Variants in BBS9 observed in about 807,000 individuals in gnomAD.
The protein encoded by BBS9 is protein PTHB1.
BBS9 carries 89 observed loss-of-function variants against 117.7 expected under a neutral mutation model. The observed-to-expected ratio is 0.76, with a 90% confidence interval of 0.64 to 0.90. The LOEUF is 0.90. BBS9 is among the 40% of genes least tolerant of loss of function. The pLI is 0.00. For synonymous variants in BBS9, 379 were observed against 370.9 expected, an observed-to-expected ratio of 1.02 and a Z score of -0.25; for missense variants, 982 against 1,042.2, an observed-to-expected ratio of 0.94 and a Z score of 0.80.
At chr7:33,580,646 G>A (rs1161122456) in intron 21 of BBS9, among the ~76,000 whole-genome samples, 1 of 152,180 alleles carries the variant, frequency 6.6e-6, no homozygotes, top group Non-Finnish European at 1.5e-5. Flanking sequence ...CTGGAAGGTT[G>A]TTAAAGAATA....
chr7:33,622,259 C>T (rs567907964), intron 21 of BBS9, among the ~76,000 whole-genome samples: 1 of 152,028 alleles, frequency 6.6e-6, no homozygotes, highest in African/African-American at 2.4e-5. Flanking sequence ...CATGACCTCA[C>T]TTATTTGTGG....
chr7:33,261,302 C>T (rs569344294), intron 6 of BBS9, among the ~76,000 whole-genome samples: 2 of 152,290 alleles, frequency 1.3e-5, no homozygotes, highest in East Asian at 3.9e-4. Context: ...TGACTAAGCT[C>T]AGTGCTCCTC....
chr7:33,132,688 C>T (rs1480821016), intron 1 of BBS9, among the ~76,000 whole-genome samples: 1 of 152,080 alleles, frequency 6.6e-6, no homozygotes, highest in African/African-American at 2.4e-5. Context: ...TACTATTGTT[C>T]CTTACCATCT....
intron 21 of BBS9, among the ~76,000 whole-genome samples, chr7:33,559,397 T>G (rs1388749786): frequency 6.6e-6 from 1 of 151,766 alleles, no homozygotes; most frequent in East Asian, 1.9e-4. Context: ...CCAACGATGA[T>G]TTTTTTTCTT....
intron 19 of BBS9, among the ~76,000 whole-genome samples, chr7:33,504,539 C>T: frequency 6.6e-6 from 1 of 152,134 alleles, no homozygotes; most frequent in East Asian, 1.9e-4. Flanking sequence ...GAACTCCAGT[C>T]CCCCAGCTGG....
chr7:33,441,890 CTTTTTTT>C (rs755891061), intron 19 of BBS9, among the ~76,000 whole-genome samples: 1 of 141,976 alleles, frequency 7.0e-6, no homozygotes, highest in African/African-American at 2.6e-5. Context: ...CTGGCATATA[CTTTTTTT>C]TTTTTTTTTC....
intron 19 of BBS9, among the ~76,000 whole-genome samples, chr7:33,420,240 T>C (rs994174684): frequency 6.6e-6 from 1 of 152,110 alleles, no homozygotes; most frequent in African/African-American, 2.4e-5. Flanking sequence ...TTCTGTAAAA[T>C]GGGGATGATA....
In BBS9 at chr7:33,163,479, A is replaced by G. The variant is rs545850252; in HGVS notation, c.328+7777A>G. Among the ~76,000 whole-genome samples the G allele has an allele frequency of 5.1e-3, 773 of 152,138 alleles. 9 individuals are homozygous for G. Among genetic ancestry groups the G allele is most frequent in the African/African-American group, 0.018 (729 of 41,510 alleles). On this transcript the variant is annotated intron_variant, in intron 4 of 22. Coordinates refer to ENST00000242067, the MANE Select transcript of BBS9 (RefSeq NM_198428.3). The stretch of plus-strand genomic sequence containing the variant: ...TGGTCTTGGACTTTTTTTGGTTGGT[A>G]TGCTATTAATTATTGCCTCAATTTC...
Position 33,605,077 on chromosome 7 carries a change from T to G in BBS9, c.2632+102T>G, listed in dbSNP as rs531255935. 10 of 1,465,304 alleles carry G rather than the reference T, an allele frequency of 6.8e-6. No individual in the cohort carries two copies. In the African/African-American group the frequency reaches 1.4e-4, roughly 20 times the overall value. 90.8% of individuals were successfully genotyped at this position (1,465,304 alleles called of 1,614,324 possible). A position where few individuals can be genotyped will look rare whatever the true frequency, so the allele number is the denominator to read the frequency against. On this transcript the variant is annotated intron_variant, in intron 22 of 22. Transcript: ENST00000242067. ...GAGAGCATTCCGCAAAGCTGCTTGT[T>G]TTCCAATTTCTTCATTCTTCCCCTT...
At chr7:33,376,891 G>T (rs1284920096) in intron 17 of BBS9, among the ~76,000 whole-genome samples, 1 of 151,868 alleles carries the variant, frequency 6.6e-6, no homozygotes, top group East Asian at 1.9e-4. Flanking sequence ...TTTTAATGGG[G>T]TTGCTTTTTT....
intron 21 of BBS9, among the ~76,000 whole-genome samples, chr7:33,604,099 A>G (rs1243318440): frequency 6.6e-6 from 1 of 152,190 alleles, no homozygotes; most frequent in Admixed American, 6.5e-5. Flanking sequence ...TTCGGAAAAA[A>G]GCATGTACAG....
intron 21 of BBS9, among the ~76,000 whole-genome samples, chr7:33,537,788 T>C (rs915056236): frequency 5.3e-5 from 8 of 152,200 alleles, no homozygotes; most frequent in Non-Finnish European, 1.0e-4. Flanking sequence ...AATATTTCAA[T>C]AGCCCTAATT....
chr7:33,165,375 T>A (rs1167394831), intron 4 of BBS9, among the ~76,000 whole-genome samples: 3 of 152,176 alleles, frequency 2.0e-5, no homozygotes, highest in Non-Finnish European at 2.9e-5. Flanking sequence ...AATGTTGGCC[T>A]GCCTTGCTAG....
At chr7:33,558,255 A>G (rs1270262803) in intron 21 of BBS9, among the ~76,000 whole-genome samples, 1 of 152,214 alleles carries the variant, frequency 6.6e-6, no homozygotes, top group Non-Finnish European at 1.5e-5. Context: ...AAAGATCATT[A>G]CTAACTGTTG....
intron 21 of BBS9, among the ~76,000 whole-genome samples, chr7:33,593,894 T>G (rs1862314829): frequency 6.6e-6 from 1 of 152,218 alleles, no homozygotes; most frequent in Non-Finnish European, 1.5e-5. Flanking sequence ...TTCTGCTTAG[T>G]ACATTGTGTT....
At chr7:33,466,056 T>TGA (rs202162020) in intron 19 of BBS9, among the ~76,000 whole-genome samples, 7 of 151,638 alleles carry the variant, frequency 4.6e-5, no homozygotes, top group African/African-American at 9.7e-5. Context: ...TAACATTTTT[T>TGA]GAGAGAGAGA....
intron 4 of BBS9, among the ~76,000 whole-genome samples, chr7:33,166,909 A>G (rs1035699633): frequency 3.3e-5 from 5 of 152,190 alleles, no homozygotes; most frequent in South Asian, 2.1e-4. Flanking sequence ...ACCAGTCCCA[A>G]TGAGATGAAC....
At chr7:33,295,193 T>C (rs1486911131) in intron 9 of BBS9, among the ~76,000 whole-genome samples, 1 of 152,140 alleles carries the variant, frequency 6.6e-6, no homozygotes, top group Non-Finnish European at 1.5e-5. Flanking sequence ...GAGATACTAA[T>C]TGCCATTGAT....
chr7:33,460,770 C>G lies in BBS9; in HGVS notation c.2116-44693C>G, dbSNP rs184632225. Reference sequence around the variant, plus strand: ...TGACATAAAATTGATCATTTTAAAGCGAAGAATTCATTGACATTTAATGCA... The same window carrying G: ...TGACATAAAATTGATCATTTTAAAGGGAAGAATTCATTGACATTTAATGCA... On this transcript the variant is annotated intron_variant, in intron 19 of 22. Coordinates refer to ENST00000242067, the MANE Select transcript of BBS9 (RefSeq NM_198428.3). Among the ~76,000 whole-genome samples, 11 of 151,990 alleles carry G rather than the reference C, an allele frequency of 7.2e-5. No individual in the cohort carries two copies. In the East Asian group the frequency reaches 2.1e-3, roughly 29 times the overall value.
Sources: gnomAD v4.1 joint callset for allele counts (sites outside exome capture counted in the v4.1 genomes callset) on GRCh38, gnomAD v4.1.1 for gene constraint, MANE v1.5 for transcripts, NCBI Gene and HGNC (gene_info 2026-07-23, HGNC 2026-07-21) for gene names.